AFF3: variants seen among roughly 807,000 people sequenced by gnomAD.
AFF3 encodes AF4/FMR2 family member 3.
A neutral mutation model predicts 129.7 loss-of-function variants in AFF3; 32 were observed. The observed-to-expected ratio is 0.25, with a 90% CI of 0.19 to 0.33. AFF3 has a LOEUF of 0.33. Ranked by LOEUF, AFF3 falls within the 10% of genes least tolerant of loss-of-function variation. The probability of loss-of-function intolerance (pLI) is 1.00; values close to 1 mark genes in which losing one functional copy is unlikely to be tolerated. For synonymous variants in AFF3, 644 were observed against 635.4 expected, an observed-to-expected ratio of 1.01 and a Z score of -0.20; for missense variants, 1,373 against 1,592.0, an observed-to-expected ratio of 0.86 and a Z score of 2.34.
Position 99,554,413 on chromosome 2 carries a change from G to A in AFF3, c.3457C>T (p.Arg1153Cys). 1 of 1,614,178 alleles carries A rather than the reference G, an allele frequency of 6.2e-7. No homozygotes were observed. The change falls in exon 24 of 25, where the codon CGC (arginine) becomes TGC (cysteine). Residue 1153 changes from arginine to cysteine, a missense_variant. Around this residue, in one of 9 missense-constraint regions of AFF3, gnomAD observed 165 missense variants for 234.0 expected, o/e 0.71. Transcript: ENST00000672756. ...TGGTTGGCCGCCATCTGGTGGATGC[G>A]CTGTGGGATGCTGACGATGGTCGAC... is the stretch of plus-strand genomic sequence containing the variant. ...SPSTIVSIPQRIHQMAANHVS... is the reference protein window; with the variant it reads ...SPSTIVSIPQCIHQMAANHVS...
chr2:99,995,395 C>G (rs1050705307), intron 7 of AFF3, among the ~76,000 whole-genome samples: 1 of 150,290 alleles, frequency 6.7e-6, no homozygotes, highest in African/African-American at 2.5e-5. Context: ...TTTTTTGAGA[C>G]GGAGTCTTGC....
chr2:99,852,854 A>C (rs749198941), intron 7 of AFF3, among the ~76,000 whole-genome samples: 8 of 152,212 alleles, frequency 5.3e-5, no homozygotes, highest in Non-Finnish European at 8.8e-5. Context: ...TATTAATCAT[A>C]ATAGGTGTAA....
Position 99,587,346 on chromosome 2 carries a change from G to A in AFF3, c.2467-68C>T, listed in dbSNP as rs567483258. ...GAGGTATTATGAGTTCCCAGGCACCGACTTCCACAGAGCAAGGCCTCCTGG... is the reference window on the plus strand; with the variant it reads ...GAGGTATTATGAGTTCCCAGGCACCAACTTCCACAGAGCAAGGCCTCCTGG... On this transcript the variant is annotated intron_variant, in intron 15 of 24. Coordinates refer to ENST00000672756, the MANE Select transcript of AFF3 (RefSeq NM_001386135.1). The A allele has an allele frequency of 5.1e-3, 8,004 of 1,581,778 alleles. 28 individuals carry two copies. Among genetic ancestry groups the A allele is most frequent in the Non-Finnish European group, 5.9e-3 (6,880 of 1,160,608 alleles).
chr2:99,990,005 G>T (rs1680196520), intron 7 of AFF3, among the ~76,000 whole-genome samples: 1 of 152,106 alleles, frequency 6.6e-6, no homozygotes, highest in Non-Finnish European at 1.5e-5. Context: ...ATGGGAATTA[G>T]CCTGTATTCT....
chr2:99,684,794 T>C (rs1163662931), intron 11 of AFF3, among the ~76,000 whole-genome samples: 1 of 151,386 alleles, frequency 6.6e-6, no homozygotes, highest in Non-Finnish European at 1.5e-5. Flanking sequence ...TCAGCTTTAA[T>C]ACTACCACTT....
chr2:100,105,433 C>T (rs1300468079), intron 3 of AFF3, 71 bp downstream of exon 3: 1 of 1,319,312 alleles, frequency 7.6e-7, no homozygotes, highest in Non-Finnish European at 1.0e-6. Context: ...GGTTTGGCCT[C>T]CAGTGGTGGT....
intron 7 of AFF3, among the ~76,000 whole-genome samples, chr2:99,848,047 C>T (rs979452240): frequency 1.3e-5 from 2 of 151,954 alleles, no homozygotes; most frequent in African/African-American, 2.4e-5. Context: ...TTCAGGAGGC[C>T]AACGTGGGGG....
chr2:99,764,987 C>T (rs1682892442), intron 8 of AFF3, among the ~76,000 whole-genome samples: 1 of 152,118 alleles, frequency 6.6e-6, no homozygotes, highest in African/African-American at 2.4e-5. Flanking sequence ...CTGGGGCTGA[C>T]ACATCACTGC....
At chr2:99,662,709 G>C (rs1686354147) in intron 12 of AFF3, among the ~76,000 whole-genome samples, 1 of 152,136 alleles carries the variant, frequency 6.6e-6, no homozygotes, top group African/African-American at 2.4e-5. Context: ...TTCTAATGTA[G>C]GAGAAACTTC....
At chr2:99,907,874 CACTAGAGT>C (rs1558965455) in intron 7 of AFF3, among the ~76,000 whole-genome samples, 1 of 152,128 alleles carries the variant, frequency 6.6e-6, no homozygotes, top group Non-Finnish European at 1.5e-5. Flanking sequence ...CTTTTTGTCC[CACTAGAGT>C]CTACCTTCTG....
At chr2:99,685,914 T>C (rs1330900133) in intron 11 of AFF3, among the ~76,000 whole-genome samples, 3 of 151,948 alleles carry the variant, frequency 2.0e-5, no homozygotes, top group Admixed American at 6.6e-5. Context: ...AGGCCGGGCA[T>C]GGTGGCTCAA....
rs140109816 is a variant in AFF3, at chr2:99,655,703, T to C, written c.1144-6037A>G. On this transcript the variant is annotated intron_variant, in intron 12 of 24. Transcript: ENST00000672756. ...TGGGTGAAGCATGCATGGGGCTTGC[T>C]TATATGTTCTTTGCACTTCCTGTGA... 1.1e-4 allele frequency among the ~76,000 whole-genome samples: 16 copies of C among 152,280 alleles called. No homozygotes were observed. The East Asian group carries it at 3.1e-3, about 29-fold the overall frequency.
In AFF3 at chr2:99,547,933, A is replaced by G. The variant is rs1036093536; in HGVS notation, c.*3541T>C. ...GTTCAATCTAGTACACAATTTGTCA[A>G]CTCTTCAGATTATTTTTCCAGTACA... On this transcript the variant is annotated 3_prime_UTR_variant, in exon 25 of 25. Coordinates refer to ENST00000672756, the MANE Select transcript of AFF3 (RefSeq NM_001386135.1). The G allele has an allele frequency of 9.4e-6, 2 of 211,886 alleles. No homozygotes were observed. Among genetic ancestry groups the G allele is most frequent in the Non-Finnish European group, 1.9e-5 (2 of 104,360 alleles). The allele number at this position is 211,886 out of a possible 1,614,324, so 13.1% of individuals were successfully genotyped here. A position where few individuals can be genotyped will look rare whatever the true frequency, so the allele number is the denominator to read the frequency against.
chr2:99,860,747 T>A (rs1203178657), intron 7 of AFF3, among the ~76,000 whole-genome samples: 1 of 151,848 alleles, frequency 6.6e-6, no homozygotes, highest in Non-Finnish European at 1.5e-5. Flanking sequence ...AAAAATTAAA[T>A]TGACAGATAA....
intron 4 of AFF3, among the ~76,000 whole-genome samples, chr2:100,062,720 T>TTAGG (rs1687390399): frequency 6.6e-6 from 1 of 152,166 alleles, no homozygotes; most frequent in South Asian, 2.1e-4. Flanking sequence ...CATCCTTGAC[T>TTAGG]TAGGCCCCAA....
intron 13 of AFF3, among the ~76,000 whole-genome samples, chr2:99,647,331 C>A (rs1684783014): frequency 6.6e-6 from 1 of 152,108 alleles, no homozygotes; most frequent in Non-Finnish European, 1.5e-5. Flanking sequence ...TAAAAAGGAA[C>A]AAGATCACGT....
chr2:99,725,875 A>G (rs1575800381), intron 11 of AFF3, among the ~76,000 whole-genome samples: 1 of 152,170 alleles, frequency 6.6e-6, no homozygotes, highest in Non-Finnish European at 1.5e-5. Context: ...AAAAAATACA[A>G]CTTCCCCCAA....
intron 2 of AFF3, among the ~76,000 whole-genome samples, chr2:100,118,921 C>T (rs1185874750): frequency 6.6e-6 from 1 of 152,054 alleles, no homozygotes; most frequent in Non-Finnish European, 1.5e-5. Flanking sequence ...AATCTCCTAC[C>T]TCCCGAGTAG....
intron 7 of AFF3, among the ~76,000 whole-genome samples, chr2:99,885,951 C>T (rs1693080363): frequency 6.6e-6 from 1 of 152,182 alleles, no homozygotes; most frequent in South Asian, 2.1e-4. Context: ...CTAGTTTCAT[C>T]ACATACTGTC....
Sources: gnomAD v4.1 joint callset for allele counts (sites outside exome capture counted in the v4.1 genomes callset) on GRCh38, gnomAD v4.1.1 for gene constraint, gnomAD v4.1.1 regional missense constraint, MANE v1.5 for transcripts, NCBI Gene and HGNC (gene_info 2026-07-23, HGNC 2026-07-21) for gene names.